Variants in FER observed in about 807,000 individuals in gnomAD.
FER encodes the protein FER tyrosine kinase, also known as tyrosine-protein kinase Fer.
A neutral mutation model predicts 111.0 loss-of-function variants in FER; 63 were observed. That is an observed-to-expected ratio of 0.57 (90% CI 0.46 to 0.70). The LOEUF (loss-of-function observed/expected upper bound fraction) is 0.70, where lower values mean the gene tolerates loss of function less well. Ranked by LOEUF, FER falls within the 30% of genes least tolerant of loss-of-function variation. FER has a pLI of 0.00. For synonymous variants in FER, 327 were observed against 313.9 expected (o/e 1.04, Z -0.44); for missense variants, 914 against 954.0 (o/e 0.96, Z 0.55).
intron 2 of FER, among the ~76,000 whole-genome samples, chr5:108,791,287 C>G (rs1322045405): frequency 6.7e-6 from 1 of 148,746 alleles, no homozygotes; most frequent in African/African-American, 2.5e-5. Flanking sequence ...ATTCCATTCT[C>G]TTCAGTGCTA....
intron 13 of FER, among the ~76,000 whole-genome samples, chr5:109,022,276 G>T (rs1768036466): frequency 1.3e-5 from 2 of 152,160 alleles, no homozygotes; most frequent in African/African-American, 4.8e-5. Flanking sequence ...ACCACAGGAA[G>T]GGTGGCCAAT....
In FER at chr5:109,051,447, G is replaced by A. The variant is rs751295746; in HGVS notation, c.1924+4249G>A. The A allele has an allele frequency of 2.3e-5, 37 of 1,612,844 alleles. No homozygotes were observed. The Middle Eastern group carries it at 3.3e-3, about 144-fold the overall frequency. ...GTTTTTTAGAATTCTGGTTATCATC[G>A]GGGAAATCAAAAGGCTGTGCGTGGG... On this transcript the variant is annotated intron_variant, in intron 16 of 19. Coordinates refer to ENST00000281092, the MANE Select transcript of FER (RefSeq NM_005246.4).
intron 3 of FER, among the ~76,000 whole-genome samples, chr5:108,809,352 C>T (rs1396767794): frequency 6.6e-6 from 1 of 152,186 alleles, no homozygotes; most frequent in Non-Finnish European, 1.5e-5. Context: ...TATTTAGGCT[C>T]TGAAGTTTCC....
At position 109,018,288 on chromosome 5, in the gene FER, TGCCC is replaced by T. The variant is rs1193049368; in HGVS notation, c.1657-19133_1657-19130del. 2.0e-5 allele frequency among the ~76,000 whole-genome samples: 3 copies of T among 151,970 alleles called. No individual in the cohort carries two copies. The South Asian group carries it at 6.2e-4, about 31-fold the overall frequency. On this transcript the variant is annotated intron_variant, in intron 13 of 19. Transcript: ENST00000281092. ...GTCATTGAGTGGTTTTGCTTTATCC[TGCCC>T]ACTTAGAAATAGATTGTCTTCTGAT...
chr5:109,165,593 GGTGTGTGTGTGTGTGTGTGTGTGTGT>G (rs66749153), intron 17 of FER, among the ~76,000 whole-genome samples: 6 of 142,246 alleles, frequency 4.2e-5, no homozygotes, highest in East Asian at 2.1e-4. Flanking sequence ...GGAGGGAACT[GGTGTGTGTGTGTGTGTGTGTGTGTGT>G]GTGTGTGTGT....
chr5:108,897,726 T>G lies in FER; in HGVS notation c.1114T>G (p.Cys372Gly). The change falls in exon 10 of 20, where the codon TGC becomes GGC. Residue 372 changes from cysteine (C) to glycine (G), a missense_variant. By Grantham distance (159) the Cys-to-Gly change is radical. Transcript: ENST00000281092. ...GAAACAGTCAGTCCAGCAGCTGAGA[T>G]GCACTGAAGCAAAGTTTTCAGCACA... ...ELKQSVQQLR[C>G]TEAKFSAQKE... 1 of 1,613,554 alleles carries G rather than the reference T, an allele frequency of 6.2e-7. No homozygotes were observed. The highest frequency in any genetic ancestry group is 8.5e-7 in the Non-Finnish European group (1 of 1,179,716).
At chr5:108,777,744 A>G (rs992993798) in intron 2 of FER, among the ~76,000 whole-genome samples, 2 of 152,214 alleles carry the variant, frequency 1.3e-5, no homozygotes, top group East Asian at 1.9e-4. Flanking sequence ...AGGCCTCACA[A>G]TCATGGTGGA....
intron 16 of FER, among the ~76,000 whole-genome samples, chr5:109,091,457 C>G (rs926037216): frequency 6.6e-6 from 1 of 152,144 alleles, no homozygotes; most frequent in East Asian, 1.9e-4. Context: ...ATGCCTCCAC[C>G]CAGATTCCAC....
intron 17 of FER, among the ~76,000 whole-genome samples, chr5:109,161,308 T>C (rs1314205677): frequency 2.0e-5 from 3 of 152,094 alleles, no homozygotes; most frequent in African/African-American, 7.2e-5. Flanking sequence ...GTTTGTTAGA[T>C]TGGTAAACTT....
intron 5 of FER, among the ~76,000 whole-genome samples, chr5:108,844,553 T>C (rs1201069165): frequency 3.3e-5 from 5 of 152,144 alleles, no homozygotes; most frequent in Non-Finnish European, 5.9e-5. Flanking sequence ...TTTTGACATA[T>C]GTACACACCT....
chr5:109,141,014 G>C (rs1480343034), intron 17 of FER, among the ~76,000 whole-genome samples: 2 of 152,098 alleles, frequency 1.3e-5, no homozygotes, highest in Non-Finnish European at 2.9e-5. Flanking sequence ...CAGAGACTTA[G>C]AAAACTTGTA....
intron 13 of FER, among the ~76,000 whole-genome samples, chr5:109,009,218 T>C (rs1275370794): frequency 6.6e-6 from 1 of 151,880 alleles, no homozygotes; most frequent in African/African-American, 2.4e-5. Context: ...ATATTTTTAG[T>C]AGAGACGGGG....
At chr5:108,861,924 A>G (rs1763561622) in intron 5 of FER, among the ~76,000 whole-genome samples, 1 of 152,172 alleles carries the variant, frequency 6.6e-6, no homozygotes, top group South Asian at 2.1e-4. Context: ...TTTCCAAATC[A>G]TGGTAAGTGA....
intron 13 of FER, among the ~76,000 whole-genome samples, chr5:109,018,835 G>C (rs938700613): frequency 2.0e-5 from 3 of 151,534 alleles, no homozygotes; most frequent in African/African-American, 7.3e-5. Context: ...TCGTTTTCTG[G>C]ATATTTTTTC....
intron 11 of FER, among the ~76,000 whole-genome samples, chr5:108,949,379 TC>T (rs1561664336): frequency 3.3e-5 from 5 of 151,820 alleles, no homozygotes; most frequent in African/African-American, 7.3e-5. Context: ...AGTTGCGCTT[TC>T]CCCCCATTTA....
At chr5:109,155,279 T>A (rs1042661144) in intron 17 of FER, among the ~76,000 whole-genome samples, 1 of 151,938 alleles carries the variant, frequency 6.6e-6, no homozygotes, top group African/African-American at 2.4e-5. Context: ...CATAAGCAGG[T>A]TTCAAAATTT....
At position 108,758,959 on chromosome 5, in the gene FER, T is replaced by A. The variant is rs191765912; in HGVS notation, c.-205-9134T>A. On this transcript the variant is annotated intron_variant, in intron 1 of 19. Coordinates refer to ENST00000281092, the MANE Select transcript of FER (RefSeq NM_005246.4). ...TGTGTAAATTTCTTGCTTATAACTT[T>A]CGATGCATTTACCACCTGTCCCTCA... Among the ~76,000 whole-genome samples the A allele has an allele frequency of 2.1e-3, 325 of 152,340 alleles. 3 individuals are homozygous for A. Among genetic ancestry groups the A allele is most frequent in the African/African-American group, 7.1e-3 (295 of 41,584 alleles).
At position 108,867,750 on chromosome 5, in the gene FER, G is replaced by C; in HGVS notation, c.482-17G>C. 4.0e-6 allele frequency: 6 copies of C among 1,505,214 alleles called. No individual in the cohort carries two copies. In the South Asian group the frequency reaches 7.4e-5, roughly 19 times the overall value. The allele number at this position is 1,505,214 out of a possible 1,614,324, so 93.2% of individuals were successfully genotyped here. ...CTTATCTCTTTACTAACTTTCTTCA[G>C]TTTTTTTTTTTTTCAGGGAAGGAAA... is the stretch of plus-strand genomic sequence containing the variant. On this transcript the variant is annotated splice_polypyrimidine_tract_variant and intron_variant, in intron 5 of 19. Coordinates refer to ENST00000281092, the MANE Select transcript of FER (RefSeq NM_005246.4).
At chr5:108,779,840 T>G (rs764861854) in intron 2 of FER, among the ~76,000 whole-genome samples, 39 of 152,164 alleles carry the variant, frequency 2.6e-4, no homozygotes, top group Non-Finnish European at 4.6e-4. Flanking sequence ...GAAGGAGAGG[T>G]GACGGGACAA....
Sources: gnomAD v4.1 joint callset for allele counts (sites outside exome capture counted in the v4.1 genomes callset) on GRCh38, gnomAD v4.1.1 for gene constraint, MANE v1.5 for transcripts, NCBI Gene and HGNC (gene_info 2026-07-23, HGNC 2026-07-21) for gene names.